The following STX3 variants were observed in gnomAD, a reference collection of about 807,000 sequenced individuals.
STX3 encodes syntaxin-3.
STX3 carries 19 observed loss-of-function variants against 40.2 expected under a neutral mutation model. The ratio of observed to expected loss-of-function variants is 0.47; its 90% CI spans 0.33 to 0.69. The LOEUF (loss-of-function observed/expected upper bound fraction) is 0.69. Ranked by LOEUF, STX3 falls within the 30% of genes least tolerant of loss-of-function variation. STX3 has a pLI of 0.02. For synonymous variants in STX3, 122 were observed against 132.2 expected (o/e 0.92, Z 0.53); for missense variants, 364 against 366.7 (o/e 0.99, Z 0.06).
Position 59,766,057 on chromosome 11 carries a change from C to G in STX3, c.31-7154C>G, listed in dbSNP as rs550242700. Among the ~76,000 whole-genome samples, 34 of 152,280 alleles carry G rather than the reference C, an allele frequency of 2.2e-4. No homozygotes were observed. In the South Asian group the frequency reaches 6.8e-3, roughly 31 times the overall value. ...GTTAAGGACCAGATATACCCTTTCC[C>G]CTCTGTTATTTCTTTGACCCAGAAA... On this transcript the variant is annotated intron_variant, in intron 1 of 10. Coordinates refer to ENST00000337979, the MANE Select transcript of STX3 (RefSeq NM_004177.5).
intron 1 of STX3, among the ~76,000 whole-genome samples, chr11:59,771,798 A>C (rs1292265303): frequency 6.6e-6 from 1 of 152,110 alleles, no homozygotes; most frequent in Non-Finnish European, 1.5e-5. Context: ...TGGGCCTTTA[A>C]ATTATAGGAG....
At chr11:59,782,535 A>T (rs563683194) in intron 2 of STX3, among the ~76,000 whole-genome samples, 2 of 152,302 alleles carry the variant, frequency 1.3e-5, no homozygotes, top group Admixed American at 6.5e-5. Context: ...GATAATTCTC[A>T]TTTCACAGAT....
intron 2 of STX3, among the ~76,000 whole-genome samples, chr11:59,774,215 G>T (rs1395005408): frequency 6.6e-6 from 1 of 151,984 alleles, no homozygotes; most frequent in Non-Finnish European, 1.5e-5. Flanking sequence ...ACTGGCTTTC[G>T]AGCTGGGTAA....
At position 59,786,953 on chromosome 11, in the gene STX3, C is replaced by T. The variant is rs933516420; in HGVS notation, c.115-84C>T. The stretch of plus-strand genomic sequence containing the variant: ...AAACCCAGAAGATGGGCAGCTTTCA[C>T]CAGCAGCTCTGCCAAACGTTTATCT... On this transcript the variant is annotated intron_variant, in intron 2 of 10. Coordinates refer to ENST00000337979, the MANE Select transcript of STX3 (RefSeq NM_004177.5). 6 of 1,219,296 alleles carry T rather than the reference C, an allele frequency of 4.9e-6. No individual in the cohort carries two copies. In the South Asian group the frequency reaches 5.4e-5, roughly 11 times the overall value. The allele number at this position is 1,219,296 out of a possible 1,614,324, so 75.5% of individuals were successfully genotyped here. A position where few individuals can be genotyped will look rare whatever the true frequency, so the allele number is the denominator to read the frequency against.
intron 10 of STX3, among the ~76,000 whole-genome samples, chr11:59,798,606 G>A (rs1179113829): frequency 6.6e-6 from 1 of 151,654 alleles, no homozygotes; most frequent in Non-Finnish European, 1.5e-5. Context: ...TGCAGCCTCC[G>A]CCTCCTGGGT....
Position 59,803,253 on chromosome 11 carries a change from T to TG in STX3, c.*2430dup. The TG allele has an allele frequency of 8.1e-7, 1 of 1,231,714 alleles. No individual in the cohort carries two copies. Among genetic ancestry groups the TG allele is most frequent in the South Asian group, 4.1e-5 (1 of 24,318 alleles). The allele number at this position is 1,231,714 out of a possible 1,614,324, so 76.3% of individuals were successfully genotyped here. ...TGATCATGATCTGCTGTATTATCCT[T>TG]GCGATCATCTTAGCTTCCACCATTG... On this transcript the variant is annotated 3_prime_UTR_variant, in exon 11 of 11. Transcript: ENST00000337979.
rs894180124 is a variant in STX3, at chr11:59,802,535, CAA to C, written c.*1712_*1713del. 4.1e-6 allele frequency: 4 copies of C among 985,674 alleles called. No homozygotes were observed. The African/African-American group carries it at 7.0e-5, about 17-fold the overall frequency. The allele number at this position is 985,674 out of a possible 1,614,324, so 61.1% of individuals were successfully genotyped here. A position where few individuals can be genotyped will look rare whatever the true frequency, so the allele number is the denominator to read the frequency against. ...TCAGACAGTGGATGGGCTCCAGCAA[CAA>C]GAGACAAAATAACTAAAGGCCTTTG... On this transcript the variant is annotated 3_prime_UTR_variant, in exon 11 of 11. Coordinates refer to ENST00000337979, the MANE Select transcript of STX3 (RefSeq NM_004177.5).
At chr11:59,767,514 CAT>C (rs749444938) in intron 1 of STX3, among the ~76,000 whole-genome samples, 37 of 152,242 alleles carry the variant, frequency 2.4e-4, no homozygotes, top group Admixed American at 7.2e-4. Context: ...CAAGAGAGCA[CAT>C]GTGTGTCAGA....
intron 5 of STX3, among the ~76,000 whole-genome samples, chr11:59,791,363 C>A (rs984341907): frequency 6.6e-6 from 1 of 152,140 alleles, no homozygotes; most frequent in African/African-American, 2.4e-5. Flanking sequence ...GAGGACCAGT[C>A]TGGGGAATTT....
intron 2 of STX3, among the ~76,000 whole-genome samples, chr11:59,780,153 C>T (rs1430792573): frequency 6.6e-6 from 1 of 152,174 alleles, no homozygotes; most frequent in Non-Finnish European, 1.5e-5. Context: ...GTATATTTGA[C>T]TAAGGAGAGT....
At chr11:59,797,876 T>C (rs504954) in intron 10 of STX3, among the ~76,000 whole-genome samples, 1 of 152,238 alleles carries the variant, frequency 6.6e-6, no homozygotes, top group African/African-American at 2.4e-5. Flanking sequence ...GGGTCTTAAA[T>C]GATGATAGTT....
chr11:59,756,372 A>T (rs1768691142), intron 1 of STX3, among the ~76,000 whole-genome samples: 1 of 152,224 alleles, frequency 6.6e-6, no homozygotes, highest in African/African-American at 2.4e-5. Flanking sequence ...TTGATACAGA[A>T]AAGGGTTAAC....
At chr11:59,756,715 A>C (rs1862735995) in intron 1 of STX3, among the ~76,000 whole-genome samples, 1 of 152,234 alleles carries the variant, frequency 6.6e-6, no homozygotes, top group Non-Finnish European at 1.5e-5. Context: ...CTTACTGGTG[A>C]TCCCTTAAAA....
At chr11:59,774,720 A>G (rs1427392908) in intron 2 of STX3, among the ~76,000 whole-genome samples, 1 of 152,018 alleles carries the variant, frequency 6.6e-6, no homozygotes, top group Non-Finnish European at 1.5e-5. Context: ...AATCCCAGCT[A>G]CCCGAGAGGC....
chr11:59,801,804 T>C lies in STX3; in HGVS notation c.*980T>C. The C allele has an allele frequency of 1.0e-6, 1 of 984,902 alleles. No individual in the cohort carries two copies. Among genetic ancestry groups the C allele is most frequent in the Non-Finnish European group, 1.2e-6 (1 of 829,734 alleles). The allele number at this position is 984,902 out of a possible 1,614,324, so 61.0% of individuals were successfully genotyped here. On this transcript the variant is annotated 3_prime_UTR_variant, in exon 11 of 11. Coordinates refer to ENST00000337979, the MANE Select transcript of STX3 (RefSeq NM_004177.5). ...TGTCTCAGGAAGTAGGAAATAAAAA[T>C]GGAAGCTATTATGACCTCAAAAAAA...
intron 10 of STX3, chr11:59,799,569 CAT>C (rs983425621): frequency 5.8e-5 from 44 of 756,238 alleles, no homozygotes; most frequent in Non-Finnish European, 7.1e-5. Flanking sequence ...ATTACCAACT[CAT>C]ATAAGTTGGA....
At chr11:59,800,100 G>C (rs1421789845) in intron 10 of STX3, 1 of 985,224 alleles carries the variant, frequency 1.0e-6, no homozygotes, top group East Asian at 1.1e-4. Context: ...TGTTGTTTTT[G>C]GTTGACTAAC....
intron 1 of STX3, among the ~76,000 whole-genome samples, chr11:59,758,224 G>A (rs1251831451): frequency 1.3e-5 from 2 of 152,142 alleles, no homozygotes; most frequent in Non-Finnish European, 2.9e-5. Flanking sequence ...GGAGTAGATG[G>A]TGCACCCTCC....
At chr11:59,797,160 C>T (rs1449644442) in intron 9 of STX3, 123 bp from the exon 10 acceptor site, 3 of 679,826 alleles carry the variant, frequency 4.4e-6, no homozygotes, top group Non-Finnish European at 7.8e-6. Flanking sequence ...GAGATGTAGG[C>T]CTCTTACTCA....
Sources: allele counts gnomAD v4.1 joint callset (sites outside exome capture counted in the v4.1 genomes callset), GRCh38; gene constraint gnomAD v4.1.1; transcripts MANE v1.5; gene names NCBI Gene and HGNC (gene_info 2026-07-23, HGNC 2026-07-21).